The following KLHL13 variants were observed in gnomAD, a reference collection of about 807,000 sequenced individuals.
KLHL13 encodes the protein kelch like family member 13, also known as kelch-like protein 13.
A neutral mutation model predicts 37.1 loss-of-function variants in KLHL13; 10 were observed. The ratio of observed to expected loss-of-function variants is 0.27; its 90% CI spans 0.17 to 0.46. The LOEUF (loss-of-function observed/expected upper bound fraction) is 0.46. KLHL13 is among the 20% of genes least tolerant of loss of function. The pLI, the probability that KLHL13 is intolerant of heterozygous loss-of-function variation, is 1.00. For synonymous variants in KLHL13, 163 were observed against 181.2 expected (o/e 0.90, Z 0.81); for missense variants, 360 against 509.3 (o/e 0.71, Z 2.82).
upstream of KLHL13, among the ~76,000 whole-genome samples, chrX:117,978,052 T>C (rs1448780899): frequency 1.8e-5 from 2 of 111,382 alleles, no homozygotes; most frequent in African/African-American, 6.5e-5. Context: ...AAATGGAAAA[T>C]CCCAGATGTT....
chrX:117,906,424 G>A (rs1460390220), intron 5 of KLHL13, among the ~76,000 whole-genome samples: 1 of 111,172 alleles, frequency 9.0e-6, no homozygotes, highest in Non-Finnish European at 1.9e-5. Flanking sequence ...AGTAATCAAG[G>A]CAGGTTTCAT....
chrX:117,937,088 C>T lies in KLHL13; in HGVS notation c.240+8346G>A, dbSNP rs575130997. Among the ~76,000 whole-genome samples the T allele has an allele frequency of 3.7e-4, 41 of 111,814 alleles. No homozygotes were observed. The South Asian group carries it at 0.015, about 40-fold the overall frequency. On this transcript the variant is annotated intron_variant, in intron 2 of 6. Transcript: ENST00000262820. Reference sequence around the variant, plus strand: ...CATGGATCAGTTCCCCTGACAGCTACTTTCAATGCCTTTTGAAGCCGGAGT... The same window carrying T: ...CATGGATCAGTTCCCCTGACAGCTATTTTCAATGCCTTTTGAAGCCGGAGT...
At chrX:117,933,041 C>G (rs2147755819) in intron 2 of KLHL13, among the ~76,000 whole-genome samples, 1 of 109,653 alleles carries the variant, frequency 9.1e-6, no homozygotes, top group South Asian at 3.9e-4. Context: ...CTATTCAGGT[C>G]TTTTGCTCAT....
chrX:118,066,338 G>A (rs1240581253), intron 1 of KLHL13, among the ~76,000 whole-genome samples: 4 of 111,800 alleles, frequency 3.6e-5, no homozygotes, highest in Non-Finnish European at 7.5e-5. Flanking sequence ...TCTGGCCAGG[G>A]TCAAAAGAGC....
intron 1 of KLHL13, among the ~76,000 whole-genome samples, chrX:118,004,489 A>G (rs919800905): frequency 4.5e-5 from 5 of 111,768 alleles, no homozygotes; most frequent in African/African-American, 1.6e-4. Context: ...AGTACAAGAT[A>G]AACTCCAAAC....
At chrX:117,998,358 A>G (rs1479231301) in intron 1 of KLHL13, among the ~76,000 whole-genome samples, 1 of 112,034 alleles carries the variant, frequency 8.9e-6, no homozygotes, top group Non-Finnish European at 1.9e-5. Flanking sequence ...CAGGAGAGAG[A>G]AACCGCATAG....
chrX:117,998,052 G>T (rs771494356), intron 1 of KLHL13, among the ~76,000 whole-genome samples: 2 of 110,944 alleles, frequency 1.8e-5, no homozygotes, highest in East Asian at 2.8e-4. Context: ...CAAAAGCAAT[G>T]CTGGGGTTGG....
intron 1 of KLHL13, among the ~76,000 whole-genome samples, chrX:118,097,483 T>C (rs1470088106): frequency 9.0e-6 from 1 of 111,477 alleles, no homozygotes; most frequent in Admixed American, 9.5e-5. Context: ...AGAATCAATA[T>C]TGTGAAAATG....
At chrX:117,964,283 C>A (rs1394026323) in intron 1 of KLHL13, among the ~76,000 whole-genome samples, 2 of 112,033 alleles carry the variant, frequency 1.8e-5, no homozygotes, top group Admixed American at 1.9e-4. Context: ...CTCATTTAGT[C>A]CAGACAAATT....
intron 1 of KLHL13, chrX:117,985,425 G>A: frequency 5.0e-6 from 4 of 792,808 alleles, no homozygotes; most frequent in East Asian, 5.0e-5. Flanking sequence ...GCTCCCAAAA[G>A]CAGAAACAGG....
intron 2 of KLHL13, among the ~76,000 whole-genome samples, chrX:117,944,427 G>T (rs1028168181): frequency 2.1e-4 from 23 of 111,463 alleles, no homozygotes; most frequent in Non-Finnish European, 2.8e-4. Context: ...AAATTTAGAG[G>T]TATGCTAGTC....
At chrX:117,930,112 GA>G (rs965278580) in intron 2 of KLHL13, among the ~76,000 whole-genome samples, 5 of 104,456 alleles carry the variant, frequency 4.8e-5, no homozygotes, top group Admixed American at 1.0e-4. Flanking sequence ...ATAAGGTAAG[GA>G]AAAAAAAGGC....
exon 1 of KLHL13, chrX:117,973,459 T>C: frequency 2.1e-6 from 2 of 942,173 alleles, no homozygotes; most frequent in Non-Finnish European, 2.7e-6. Flanking sequence ...GTGCAAGCTC[T>C]GGCCACACAA....
rs187270721 is a variant in KLHL13, at chrX:117,940,609, C to T, written c.240+4825G>A. Among the ~76,000 whole-genome samples, 1,034 of 111,486 alleles carry T rather than the reference C, an allele frequency of 9.3e-3. 17 individuals carry two copies. Among genetic ancestry groups the T allele is most frequent in the African/African-American group, 0.031 (958 of 30,679 alleles). On this transcript the variant is annotated intron_variant, in intron 2 of 6. Coordinates refer to ENST00000262820, the Ensembl canonical transcript of KLHL13. ...GTTTTTCCATTTGTTTGTGTCCTCT[C>T]TTATTTCCTTGAGCAGTGGTTTGTA...
chrX:118,089,995 C>T lies in KLHL13; in HGVS notation c.-56+26513G>A, dbSNP rs574607468. On this transcript the variant is annotated intron_variant, in intron 1 of 6. Coordinates refer to the KLHL13 transcript ENST00000371882. ...ACTCAAGAGGCTGAGGCAGAAGAAT[C>T]GCTTGAACCGGGGAGGCAGAGGTTG... is the stretch of plus-strand genomic sequence containing the variant. Among the ~76,000 whole-genome samples, 3 of 105,504 alleles carry T rather than the reference C, an allele frequency of 2.8e-5. No homozygotes were observed. The South Asian group carries it at 1.4e-3, about 49-fold the overall frequency. The allele number at this position is 105,504 out of a possible 115,157, so 91.6% of individuals were successfully genotyped here.
intron 1 of KLHL13, among the ~76,000 whole-genome samples, chrX:118,028,899 G>T (rs2054303956): frequency 9.0e-6 from 1 of 111,497 alleles, no homozygotes; most frequent in Non-Finnish European, 1.9e-5. Flanking sequence ...ATTCTGAGTG[G>T]CAGGATAAAA....
chrX:118,100,300 C>T (rs900968151), intron 1 of KLHL13, among the ~76,000 whole-genome samples: 3 of 111,569 alleles, frequency 2.7e-5, no homozygotes, highest in Admixed American at 9.6e-5. Flanking sequence ...GCTGCTACCA[C>T]GTTCTCAGTT....
At chrX:118,021,954 T>A (rs1006065177) in intron 1 of KLHL13, among the ~76,000 whole-genome samples, 2 of 112,067 alleles carry the variant, frequency 1.8e-5, no homozygotes, top group Non-Finnish European at 3.8e-5. Context: ...GGTATCTCAT[T>A]GTGGTTTTGA....
chrX:117,907,627 A>G (rs1930636823), intron 5 of KLHL13, among the ~76,000 whole-genome samples: 1 of 111,752 alleles, frequency 8.9e-6, no homozygotes, highest in African/African-American at 3.2e-5. Context: ...GTGTAGGTTG[A>G]CTGAGGAGGC....
Sources: gnomAD v4.1 joint callset for allele counts (sites outside exome capture counted in the v4.1 genomes callset) on GRCh38, gnomAD v4.1.1 for gene constraint, MANE v1.5 for transcripts, NCBI Gene and HGNC (gene_info 2026-07-23, HGNC 2026-07-21) for gene names.